The following CWF19L2 variants were observed in gnomAD, a reference collection of about 807,000 sequenced individuals.
CWF19L2 encodes the protein CWF19 like cell cycle control factor 2.
In CWF19L2, 98 loss-of-function variants were observed where a neutral mutation model predicts 111.7. The ratio of observed to expected loss-of-function variants is 0.88; its 90% CI spans 0.75 to 1.04. CWF19L2 has a LOEUF of 1.04. Ranked by LOEUF, CWF19L2 falls within the 50% of genes least tolerant of loss-of-function variation. The pLI is 0.00. For missense variants in CWF19L2, 1,101 were observed against 1,051.4 expected (o/e 1.05, Z -0.65); for synonymous variants, 351 against 342.9 (o/e 1.02, Z -0.26).
rs1323478208 is a variant in CWF19L2, at chr11:107,369,851, C to T, written c.1873-16115G>A. On this transcript the variant is annotated intron_variant, in intron 12 of 17. Transcript: ENST00000282251. ...TGTTAGTCTTCACCTTATGTATTTA[C>T]ACTACATGAAATATAATATTACCTA... Among the ~76,000 whole-genome samples, 9 of 138,396 alleles carry T rather than the reference C, an allele frequency of 6.5e-5. 3 individuals carry two copies. Among genetic ancestry groups the T allele is most frequent in the African/African-American group, 2.6e-4 (9 of 34,942 alleles). The allele number at this position is 138,396 out of a possible 152,430, so 90.8% of individuals were successfully genotyped here. A position where few individuals can be genotyped will look rare whatever the true frequency, so the allele number is the denominator to read the frequency against.
chr11:107,372,796 G>A lies in CWF19L2; in HGVS notation c.1872+17278C>T, dbSNP rs377130162. On this transcript the variant is annotated intron_variant, in intron 12 of 17. Coordinates refer to ENST00000282251, the MANE Select transcript of CWF19L2 (RefSeq NM_152434.3). ...AAGATGGCCAAATAGGAACTGCTCC[G>A]GTCTACAGCTCCCAGCGTGAGCGAC... 9.2e-4 allele frequency among the ~76,000 whole-genome samples: 121 copies of A among 131,994 alleles called. 29 individuals are homozygous for A. The Middle Eastern group carries it at 0.011, about 12-fold the overall frequency. 86.6% of individuals were successfully genotyped at this position (131,994 alleles called of 152,430 possible).
At chr11:107,404,742 A>G (rs1008701831) in intron 10 of CWF19L2, among the ~76,000 whole-genome samples, 2 of 152,186 alleles carry the variant, frequency 1.3e-5, no homozygotes, top group Non-Finnish European at 2.9e-5. Flanking sequence ...AGTGTCAAAT[A>G]GTGGGTACTC....
At chr11:107,378,327 T>C (rs1270468586) in intron 12 of CWF19L2, among the ~76,000 whole-genome samples, 2 of 150,468 alleles carry the variant, frequency 1.3e-5, no homozygotes, top group Non-Finnish European at 3.0e-5. Context: ...CGTATGTTTA[T>C]TGCGGCACTA....
intron 6 of CWF19L2, among the ~76,000 whole-genome samples, chr11:107,435,941 G>C (rs1358906740): frequency 6.6e-6 from 1 of 152,080 alleles, no homozygotes; most frequent in Non-Finnish European, 1.5e-5. Flanking sequence ...AGATCAGGAG[G>C]TCAAGAGATC....
At chr11:107,351,412 G>C (rs12269789) in intron 13 of CWF19L2, among the ~76,000 whole-genome samples, 2,355 of 152,128 alleles carry the variant, frequency 0.015, 57 homozygotes, top group African/African-American at 0.053. Context: ...AGGTGGAGAC[G>C]GGTATTAGAC....
At chr11:107,377,873 A>G (rs1446532880) in intron 12 of CWF19L2, among the ~76,000 whole-genome samples, 1 of 148,678 alleles carries the variant, frequency 6.7e-6, no homozygotes, top group Non-Finnish European at 1.5e-5. Context: ...CTCATCTGAC[A>G]AAGGGCTAAT....
chr11:107,365,105 T>C (rs1860418825), intron 12 of CWF19L2, among the ~76,000 whole-genome samples: 2 of 131,660 alleles, frequency 1.5e-5, no homozygotes, highest in South Asian at 4.7e-4. Flanking sequence ...ACACATACAC[T>C]CTCCCAAGAC....
chr11:107,362,955 A>C (rs1250121404), intron 12 of CWF19L2, among the ~76,000 whole-genome samples: 1 of 151,974 alleles, frequency 6.6e-6, no homozygotes, highest in Non-Finnish European at 1.5e-5. Context: ...TAACTAGAAC[A>C]ACCAATACAG....
intron 3 of CWF19L2, among the ~76,000 whole-genome samples, chr11:107,453,594 G>A (rs1429586884): frequency 6.6e-6 from 1 of 151,680 alleles, no homozygotes; most frequent in Non-Finnish European, 1.5e-5. Context: ...ATTCAGGTGA[G>A]ACTCAGCACA....
Position 107,418,285 on chromosome 11 carries a change from C to A in CWF19L2, c.1436G>T (p.Ser479Ile), listed in dbSNP as rs372272088. The change falls in exon 9 of 18, where the codon AGT becomes ATT. Residue 479 changes from serine (S) to isoleucine (I), a missense_variant and splice_region_variant. Ser to Ile is a moderately radical substitution (Grantham distance 142). Transcript: ENST00000282251. ...GATGTGAATGGACTCACGCTCTGGA[C>A]TGCTATTGGAATAGGAAAGATTAAC... ...LRDTKSTFAG[S>I]PERESIHILS... The A allele has an allele frequency of 6.2e-6, 10 of 1,604,684 alleles. No homozygotes were observed. The highest frequency in any genetic ancestry group is 1.6e-4 in the Middle Eastern group (1 of 6,066).
intron 6 of CWF19L2, among the ~76,000 whole-genome samples, chr11:107,436,533 T>C (rs561968553): frequency 4.6e-5 from 7 of 152,350 alleles, no homozygotes; most frequent in Middle Eastern, 3.4e-3. Flanking sequence ...TAAAATCTTA[T>C]GTATGTCATT....
chr11:107,424,455 TAAA>T (rs34856316), intron 8 of CWF19L2, among the ~76,000 whole-genome samples: 3 of 146,216 alleles, frequency 2.1e-5, no homozygotes, highest in African/African-American at 5.0e-5. Context: ...CCTTTTATAA[TAAA>T]AAAAAAAAAG....
chr11:107,455,724 C>A lies in CWF19L2; in HGVS notation c.158G>T (p.Arg53Leu), dbSNP rs749531533. Residue 53 changes from arginine (R) to leucine (L), a missense_variant, in exon 2 of 18, where the codon CGG becomes CTG. Physicochemically the swap from Arg to Leu is moderately radical, Grantham distance 102. Transcript: ENST00000282251. ...AGGTAGCATCCATGTATCCTCACCC[C>A]GAAGTCGCTTAAGTTCTTTACGCCT... ...EERRKELKRL[R>L]GEDTWMLPDV... The A allele has an allele frequency of 6.4e-7, 1 of 1,551,248 alleles. No homozygotes were observed.
intron 6 of CWF19L2, among the ~76,000 whole-genome samples, chr11:107,434,859 A>G (rs1861518729): frequency 2.0e-5 from 3 of 151,976 alleles, no homozygotes; most frequent in Admixed American, 2.0e-4. Flanking sequence ...CTTCTGGGAT[A>G]CTAACAAGAT....
intron 10 of CWF19L2, among the ~76,000 whole-genome samples, chr11:107,409,763 T>C (rs1278966997): frequency 6.6e-6 from 1 of 152,074 alleles, no homozygotes; most frequent in Non-Finnish European, 1.5e-5. Context: ...AATGTTAAAA[T>C]AAAGAAGCTG....
At chr11:107,457,645 G>A in intron 1 of CWF19L2, 67 bp downstream of exon 1, 2 of 1,174,302 alleles carry the variant, frequency 1.7e-6, no homozygotes, top group Non-Finnish European at 2.5e-6. Context: ...GGGTGAGTGG[G>A]CTAGCTTACG....
intron 10 of CWF19L2, among the ~76,000 whole-genome samples, chr11:107,398,635 C>G (rs1336554300): frequency 6.6e-6 from 1 of 152,182 alleles, no homozygotes; most frequent in Non-Finnish European, 1.5e-5. Flanking sequence ...GGAAAACTTT[C>G]CCAGCCTTGT....
intron 2 of CWF19L2, among the ~76,000 whole-genome samples, chr11:107,455,282 A>G (rs1460823246): frequency 6.6e-6 from 1 of 152,166 alleles, no homozygotes; most frequent in African/African-American, 2.4e-5. Context: ...CCATAAATTT[A>G]CACAATTATT....
intron 8 of CWF19L2, among the ~76,000 whole-genome samples, chr11:107,424,291 C>A (rs1465495303): frequency 6.6e-6 from 1 of 151,500 alleles, no homozygotes; most frequent in Non-Finnish European, 1.5e-5. Flanking sequence ...TCAGTTGCCC[C>A]ATCTATCATC....
Sources: allele counts gnomAD v4.1 joint callset (sites outside exome capture counted in the v4.1 genomes callset), GRCh38; gene constraint gnomAD v4.1.1; transcripts MANE v1.5; gene names NCBI Gene and HGNC (gene_info 2026-07-23, HGNC 2026-07-21).